PAG1: variants seen among roughly 807,000 people sequenced by gnomAD.
PAG1 encodes the protein phosphoprotein membrane anchor with glycosphingolipid microdomains 1, also known as phosphoprotein associated with glycosphingolipid-enriched microdomains 1.
Under a neutral mutation model 31.7 loss-of-function variants are expected in PAG1, and 23 were observed. The ratio of observed to expected loss-of-function variants is 0.73; its 90% CI spans 0.52 to 1.03. The LOEUF is 1.03. PAG1 is among the 50% of genes least tolerant of loss of function. PAG1 has a pLI of 0.00. For synonymous variants in PAG1, 214 were observed against 210.3 expected (o/e 1.02, Z -0.15); for missense variants, 473 against 540.7 (o/e 0.87, Z 1.24).
chr8:81,034,588 T>C (rs1808432469), intron 2 of PAG1, among the ~76,000 whole-genome samples: 4 of 152,206 alleles, frequency 2.6e-5, no homozygotes, highest in Admixed American at 2.6e-4. Flanking sequence ...TCCCAAGGAA[T>C]CCCTTTCTGT....
At chr8:81,084,823 C>A (rs1809325652) in intron 1 of PAG1, among the ~76,000 whole-genome samples, 1 of 152,164 alleles carries the variant, frequency 6.6e-6, no homozygotes, top group Non-Finnish European at 1.5e-5. Context: ...CATCTATTTT[C>A]CTTTAACCAA....
At chr8:81,080,132 G>T (rs540123531) in intron 1 of PAG1, among the ~76,000 whole-genome samples, 1 of 152,192 alleles carries the variant, frequency 6.6e-6, no homozygotes, top group South Asian at 2.1e-4. Context: ...CTTTACAAAG[G>T]AATGTTAAAG....
chr8:81,067,550 A>G (rs958684683), intron 2 of PAG1: 1 of 152,260 alleles, frequency 6.6e-6, no homozygotes, highest in African/African-American at 2.4e-5. Flanking sequence ...TGATTTAAAA[A>G]ATAAAGCTAA....
intron 3 of PAG1, among the ~76,000 whole-genome samples, chr8:81,010,484 T>G (rs1343326230): frequency 6.6e-6 from 1 of 152,222 alleles, no homozygotes; most frequent in Admixed American, 6.5e-5. Context: ...ATATAAAAAT[T>G]TCAACAAGAA....
At chr8:80,989,118 T>G (rs1807485600) in intron 5 of PAG1, among the ~76,000 whole-genome samples, 1 of 152,210 alleles carries the variant, frequency 6.6e-6, no homozygotes, top group Admixed American at 6.5e-5. Flanking sequence ...TGGAAGCCAG[T>G]AATACACAGC....
At chr8:81,059,033 G>A (rs1202174484) in intron 2 of PAG1, among the ~76,000 whole-genome samples, 1 of 151,936 alleles carries the variant, frequency 6.6e-6, no homozygotes, top group Admixed American at 6.6e-5. Flanking sequence ...TGGGGGACTG[G>A]TTCCAGAACC....
chr8:81,011,561 C>T (rs990041151), intron 3 of PAG1, among the ~76,000 whole-genome samples: 39 of 152,110 alleles, frequency 2.6e-4, no homozygotes, highest in Middle Eastern at 3.2e-3. Flanking sequence ...CGGACTAATA[C>T]ATGCACTTAC....
intron 2 of PAG1, among the ~76,000 whole-genome samples, chr8:81,040,148 T>C (rs73279914): frequency 0.016 from 2,386 of 152,286 alleles, 51 homozygotes; most frequent in African/African-American, 0.054. Context: ...TGTTTCTCTA[T>C]GTACATTTTT....
intron 2 of PAG1, among the ~76,000 whole-genome samples, chr8:81,060,486 A>C (rs1275682963): frequency 6.6e-6 from 1 of 152,244 alleles, no homozygotes; most frequent in East Asian, 1.9e-4. Context: ...CACAGGCAAT[A>C]ATCCATTCTT....
rs1457119976 is a variant in PAG1 at position 81,111,711 on chromosome 8, G to C, written c.-354C>G. The C allele has an allele frequency of 6.6e-6, 1 of 152,248 alleles. No homozygotes were observed. The highest frequency in any genetic ancestry group is 1.5e-5 in the Non-Finnish European group (1 of 68,082). 9.4% of individuals were successfully genotyped at this position (152,248 alleles called of 1,614,324 possible). ...GGCAGCAGCGGCAAGTGCAGGACCA[G>C]GCGCCGCCGCTCTGCACCAGTCGCC... On this transcript the variant is annotated 5_prime_UTR_variant, in exon 1 of 9. Coordinates refer to ENST00000220597, the MANE Select transcript of PAG1 (RefSeq NM_018440.4).
At chr8:80,986,685 T>C (rs959950763) in intron 6 of PAG1, among the ~76,000 whole-genome samples, 1 of 151,890 alleles carries the variant, frequency 6.6e-6, no homozygotes, top group Non-Finnish European at 1.5e-5. Flanking sequence ...GTGGAGGGTA[T>C]GGAGGGATTA....
At chr8:81,080,884 G>A (rs1384108932) in intron 1 of PAG1, among the ~76,000 whole-genome samples, 1 of 152,140 alleles carries the variant, frequency 6.6e-6, no homozygotes, top group East Asian at 1.9e-4. Flanking sequence ...TCACAGCTAT[G>A]ACTCTGTGAC....
intron 1 of PAG1, among the ~76,000 whole-genome samples, chr8:81,075,565 G>A (rs1237109953): frequency 6.6e-6 from 1 of 152,160 alleles, no homozygotes; most frequent in East Asian, 1.9e-4. Context: ...CAGACACCAT[G>A]CTATACATTC....
At chr8:81,005,210 G>A (rs1807854497) in intron 3 of PAG1, among the ~76,000 whole-genome samples, 1 of 152,118 alleles carries the variant, frequency 6.6e-6, no homozygotes, top group South Asian at 2.1e-4. Flanking sequence ...ATAGACTTAG[G>A]GGGCTTTCCA....
chr8:81,005,797 G>A (rs1027700850), intron 3 of PAG1, among the ~76,000 whole-genome samples: 1 of 152,086 alleles, frequency 6.6e-6, no homozygotes, highest in Non-Finnish European at 1.5e-5. Context: ...TCCTTCCCAG[G>A]CAAAGATGCC....
At chr8:81,090,326 T>C (rs930795208) in intron 1 of PAG1, among the ~76,000 whole-genome samples, 1 of 152,228 alleles carries the variant, frequency 6.6e-6, no homozygotes, top group Non-Finnish European at 1.5e-5. Context: ...ATGCTTTCTA[T>C]ATATTAGCTC....
In PAG1 at chr8:80,968,059, G is replaced by A. The variant is rs188124425; in HGVS notation, c.*8485C>T. On this transcript the variant is annotated 3_prime_UTR_variant, in exon 9 of 9. Transcript: ENST00000220597. ...TTTCAGTTCCTCAGGTACCATTACTGGTTGAATGATCAAGATCTGGCCACA... is the reference window on the plus strand; with the variant it reads ...TTTCAGTTCCTCAGGTACCATTACTAGTTGAATGATCAAGATCTGGCCACA... 52 of 152,202 alleles carry A rather than the reference G, an allele frequency of 3.4e-4. No homozygotes were observed. Among genetic ancestry groups the A allele is most frequent in the African/African-American group, 1.0e-3 (43 of 41,514 alleles). 9.4% of individuals were successfully genotyped at this position (152,202 alleles called of 1,614,324 possible).
At chr8:81,095,063 C>T (rs1047656522) in intron 1 of PAG1, among the ~76,000 whole-genome samples, 1 of 152,190 alleles carries the variant, frequency 6.6e-6, no homozygotes, top group Non-Finnish European at 1.5e-5. Flanking sequence ...TCCATGAACT[C>T]CCTGCATCAG....
At chr8:81,084,729 A>G (rs565003786) in intron 1 of PAG1, among the ~76,000 whole-genome samples, 25 of 152,276 alleles carry the variant, frequency 1.6e-4, no homozygotes, top group Middle Eastern at 3.4e-3. Flanking sequence ...TTTCTTCCCA[A>G]TGGCTTTTTA....
Sources: allele counts gnomAD v4.1 joint callset (sites outside exome capture counted in the v4.1 genomes callset), GRCh38; gene constraint gnomAD v4.1.1; transcripts MANE v1.5; gene names NCBI Gene and HGNC (gene_info 2026-07-23, HGNC 2026-07-21).